The following TTC3 variants were observed in gnomAD, a reference collection of about 807,000 sequenced individuals.
TTC3 encodes the protein E3 ubiquitin-protein ligase TTC3.
A neutral mutation model predicts 249.6 loss-of-function variants in TTC3; 180 were observed. That is an observed-to-expected ratio of 0.72 (90% CI 0.64 to 0.82). The LOEUF is 0.82. Among genes scored for constraint, TTC3 ranks in the 40% least tolerant of loss-of-function variants. TTC3 has a pLI of 0.00. For missense variants in TTC3, 2,061 were observed against 2,398.4 expected (o/e 0.86, Z 2.94); for synonymous variants, 717 against 805.0 (o/e 0.89, Z 1.85).
intron 28 of TTC3, among the ~76,000 whole-genome samples, chr21:37,157,834 A>C (rs1236237638): frequency 1.3e-5 from 2 of 152,222 alleles, no homozygotes; most frequent in Non-Finnish European, 2.9e-5. Context: ...TGTTTTACTT[A>C]AAAATTATAA....
chr21:37,144,024 G>A (rs9982822), intron 20 of TTC3, among the ~76,000 whole-genome samples: 9,665 of 151,012 alleles, frequency 0.064, 362 homozygotes, highest in Middle Eastern at 0.075. Context: ...GTTCTCACTC[G>A]TAGGTGGGAA....
rs567556713 is a variant in TTC3, at chr21:37,129,447, G to A, written c.1358+384G>A. Among the ~76,000 whole-genome samples the A allele has an allele frequency of 3.9e-5, 6 of 152,260 alleles. No individual in the cohort carries two copies. The East Asian group carries it at 7.7e-4, about 20-fold the overall frequency. On this transcript the variant is annotated intron_variant, in intron 16 of 45. Coordinates refer to ENST00000355666, the Ensembl canonical transcript of TTC3. ...CTAAGGCCTCCTCCAGGAATACACT[G>A]TTAACAGTTTCATGACTATTGGGAA...
At chr21:37,129,830 A>G (rs1297359892) in intron 16 of TTC3, among the ~76,000 whole-genome samples, 2 of 152,166 alleles carry the variant, frequency 1.3e-5, no homozygotes, top group Non-Finnish European at 2.9e-5. Flanking sequence ...TGTTTTTTAG[A>G]GACAGGGTCT....
At chr21:37,144,108 G>A (rs2078761033) in intron 20 of TTC3, among the ~76,000 whole-genome samples, 1 of 151,778 alleles carries the variant, frequency 6.6e-6, no homozygotes, top group Non-Finnish European at 1.5e-5. Context: ...TGGGGGGAGG[G>A]GAGAGGGATA....
intron 15 of TTC3, 120 bp from the exon 16 acceptor site, chr21:37,128,883 C>T (rs1386525514): frequency 5.0e-6 from 3 of 597,584 alleles, no homozygotes; most frequent in African/African-American, 3.9e-5. Flanking sequence ...TAGTTACACC[C>T]ACGTACCACA....
At chr21:37,151,115 A>G (rs1005484956) in intron 25 of TTC3, among the ~76,000 whole-genome samples, 2 of 152,186 alleles carry the variant, frequency 1.3e-5, no homozygotes, top group African/African-American at 4.8e-5. Flanking sequence ...GGTTGAATTT[A>G]CAATTAAAAT....
At chr21:37,147,880 CA>C (rs2147995425) in intron 22 of TTC3, among the ~76,000 whole-genome samples, 1 of 152,258 alleles carries the variant, frequency 6.6e-6, no homozygotes, top group South Asian at 2.1e-4. Context: ...AGGCGTGTCC[CA>C]GCACGCCCAG....
At chr21:37,088,838 A>G in exon 5 of TTC3, 6 of 1,613,698 alleles carry the variant, frequency 3.7e-6, no homozygotes, top group Middle Eastern at 1.7e-4. Flanking sequence ...AGAAACTACA[A>G]CATCTTGAGT....
At chr21:37,168,085 A>T (rs1180667067) in intron 34 of TTC3, among the ~76,000 whole-genome samples, 2 of 152,138 alleles carry the variant, frequency 1.3e-5, no homozygotes, top group Non-Finnish European at 2.9e-5. Flanking sequence ...GTTAATATGC[A>T]TCATAAGAGA....
intron 17 of TTC3, among the ~76,000 whole-genome samples, chr21:37,133,631 T>C (rs1174772775): frequency 5.3e-5 from 8 of 152,102 alleles, no homozygotes; most frequent in Admixed American, 1.3e-4. Flanking sequence ...GTGAGAGAGA[T>C]TGGGTGCACA....
intron 10 of TTC3, chr21:37,098,189 G>A: frequency 2.9e-6 from 1 of 348,866 alleles, no homozygotes; most frequent in Admixed American, 4.9e-5. Context: ...GTCCAGAATT[G>A]CATTTATTTT....
chr21:37,196,178 C>T (rs567371601), intron 42 of TTC3, 142 bp downstream of exon 42: 12 of 1,050,080 alleles, frequency 1.1e-5, no homozygotes, highest in Middle Eastern at 3.3e-4. Flanking sequence ...TGCTACATTT[C>T]TTTCTTTTTG....
chr21:37,124,845 AC>A, intron 14 of TTC3, 103 bp downstream of exon 14: 1 of 1,207,130 alleles, frequency 8.3e-7, no homozygotes, highest in Middle Eastern at 2.1e-4. Context: ...GGCGATTTGA[AC>A]CCTTTTTGCC....
intron 21 of TTC3, among the ~76,000 whole-genome samples, chr21:37,146,188 G>A (rs1461926618): frequency 6.6e-6 from 1 of 152,188 alleles, no homozygotes; most frequent in Non-Finnish European, 1.5e-5. Context: ...AGTGAGCCTT[G>A]ATTGTGCCAC....
At chr21:37,126,908 G>A (rs1013292245) in intron 15 of TTC3, among the ~76,000 whole-genome samples, 8 of 151,254 alleles carry the variant, frequency 5.3e-5, no homozygotes, top group African/African-American at 1.9e-4. Flanking sequence ...AGGCTGGAGT[G>A]CAGTGGCATG....
intron 2 of TTC3, 134 bp downstream of exon 2, chr21:37,087,535 T>C: frequency 2.6e-6 from 3 of 1,144,268 alleles, no homozygotes; most frequent in Non-Finnish European, 3.8e-6. Flanking sequence ...GAAAAGTTGA[T>C]TTGAGAAGGG....
At chr21:37,156,097 C>T (rs1157060273) in intron 27 of TTC3, among the ~76,000 whole-genome samples, 2 of 151,172 alleles carry the variant, frequency 1.3e-5, no homozygotes, top group East Asian at 1.9e-4. Flanking sequence ...AGTGCAGTGG[C>T]GCCGTCATAG....
chr21:37,103,951 T>TA (rs556916385), intron 10 of TTC3, among the ~76,000 whole-genome samples: 1,683 of 150,474 alleles, frequency 0.011, 15 homozygotes, highest in Non-Finnish European at 0.017. Context: ...GATTAGCACT[T>TA]AAAAAAAAAA....
intron 36 of TTC3, among the ~76,000 whole-genome samples, chr21:37,183,126 A>G (rs113920426): frequency 0.01 from 1,564 of 152,324 alleles, 16 homozygotes; most frequent in East Asian, 0.03. Flanking sequence ...CAGATAAATT[A>G]TATAAAAGTG....
Sources: allele counts gnomAD v4.1 joint callset (sites outside exome capture counted in the v4.1 genomes callset), GRCh38; gene constraint gnomAD v4.1.1; transcripts MANE v1.5; gene names NCBI Gene and HGNC (gene_info 2026-07-23, HGNC 2026-07-21).